MATR3: variants seen among roughly 807,000 people sequenced by gnomAD.
MATR3 encodes the protein matrin 3.
MATR3 carries 4 observed loss-of-function variants against 85.5 expected under a neutral mutation model. The observed-to-expected ratio is 0.05, with a 90% confidence interval of 0.02 to 0.11. The LOEUF (loss-of-function observed/expected upper bound fraction) is 0.11, where lower values mean the gene tolerates loss of function less well. Ranked by LOEUF, MATR3 falls within the 10% of genes least tolerant of loss-of-function variation. The pLI, the probability that MATR3 is intolerant of heterozygous loss-of-function variation, is 1.00. For missense variants in MATR3, 685 were observed against 1,016.1 expected, an observed-to-expected ratio of 0.67 and a Z score of 4.43; for synonymous variants, 336 against 343.1, an observed-to-expected ratio of 0.98 and a Z score of 0.23.
At chr5:139,319,081 T>G (rs1755406545) in intron 8 of MATR3, 48 bp downstream of exon 8, 1 of 1,559,934 alleles carries the variant, frequency 6.4e-7, no homozygotes, top group Non-Finnish European at 8.8e-7. Flanking sequence ...CAAATGATTT[T>G]AATAGTTATT....
chr5:139,329,235 T>G, intron 14 of MATR3, 110 bp from the exon 15 acceptor site: 1 of 779,364 alleles, frequency 1.3e-6, no homozygotes, highest in Admixed American at 2.1e-5. Flanking sequence ...ATTGACAAAA[T>G]TATAGTTTAA....
chr5:139,327,179 C>T (rs1035690962), intron 14 of MATR3, among the ~76,000 whole-genome samples: 19 of 152,076 alleles, frequency 1.2e-4, no homozygotes, highest in Non-Finnish European at 1.5e-5. Context: ...CTTGGTTTTT[C>T]ACACTGCTTT....
At chr5:139,275,795 G>A (rs985782607) in intron 1 of MATR3, among the ~76,000 whole-genome samples, 1 of 152,176 alleles carries the variant, frequency 6.6e-6, no homozygotes, top group Non-Finnish European at 1.5e-5. Context: ...GGCAGAGAAA[G>A]ACCCTGTAAT....
At chr5:139,321,088 G>T (rs1416917983) in intron 9 of MATR3, among the ~76,000 whole-genome samples, 1 of 151,494 alleles carries the variant, frequency 6.6e-6, no homozygotes, top group Non-Finnish European at 1.5e-5. Flanking sequence ...GTATATAGAT[G>T]GCTTAGTATT....
chr5:139,316,078 G>T lies in MATR3; in HGVS notation c.1019G>T (p.Gly340Val). The T allele has an allele frequency of 1.9e-6, 3 of 1,603,148 alleles. No homozygotes were observed. Among genetic ancestry groups the T allele is most frequent in the Non-Finnish European group, 2.6e-6 (3 of 1,170,782 alleles). The change falls in exon 5 of 15, where the codon GGT becomes GTT. Residue 340 changes from glycine (G) to valine (V), a missense_variant and splice_region_variant. Around this residue, in one of 9 missense-constraint regions of MATR3, gnomAD observed 223 missense variants for 334.4 expected, o/e 0.67. Coordinates refer to ENST00000394805, the MANE Select transcript of MATR3 (RefSeq NM_018834.6). ...NPDNDTGHTM[G>V]DPFMLQQSTN... ...ATTTTATGTCTTCACTTTACTAGGG[G>T]TGATCCATTCATGTTGCAGCAGTCT...
chr5:139,280,758 T>C (rs1225185379), intron 3 of MATR3: 4 of 152,220 alleles, frequency 2.6e-5, no homozygotes, highest in East Asian at 1.9e-4. Context: ...GTTCTAAGCA[T>C]ACAGGTTGTC....
intron 2 of MATR3, chr5:139,313,441 G>A (rs1231546385): frequency 6.6e-6 from 1 of 151,070 alleles, no homozygotes; most frequent in East Asian, 1.9e-4. Flanking sequence ...TCTTGTCCCA[G>A]TGAATTTAAA....
At position 139,307,075 on chromosome 5, in the gene MATR3, C is replaced by G. The variant is rs1309125861; in HGVS notation, c.-177-164C>G. The stretch of plus-strand genomic sequence containing the variant: ...CTTTTTAAATATCTATATGCAGGCT[C>G]TGCATACATCAGGAATCTGTTTAAG... On this transcript the variant is annotated intron_variant, in intron 1 of 14. Transcript: ENST00000394805. The surrounding 1 kb of genome is among the most constrained non-coding windows in gnomAD (Gnocchi z 4.4). 3.9e-5 allele frequency among the ~76,000 whole-genome samples: 6 copies of G among 151,908 alleles called. No homozygotes were observed. The highest frequency in any genetic ancestry group is 1.5e-4 in the African/African-American group (6 of 41,348).
chr5:139,322,556 T>C (rs986423445), intron 11 of MATR3, 42 bp from the exon 12 acceptor site: 1 of 1,584,156 alleles, frequency 6.3e-7, no homozygotes, highest in African/African-American at 1.3e-5. Context: ...ACTTTACTTT[T>C]TCAGACAACA....
At chr5:139,320,962 T>A (rs193261964) in intron 9 of MATR3, among the ~76,000 whole-genome samples, 2 of 147,904 alleles carry the variant, frequency 1.4e-5, no homozygotes, top group Non-Finnish European at 3.0e-5. Context: ...GGTTTCACCA[T>A]CCACAGGATG....
chr5:139,330,020 G>A lies in MATR3; in HGVS notation c.*625G>A, dbSNP rs1386048289. ...TTTCCCTGAGTTCCTGCTAGATTTC[G>A]TATTCTAGTAGTCAATGTATTTTCA... On this transcript the variant is annotated 3_prime_UTR_variant, in exon 15 of 15. Coordinates refer to ENST00000394805, the MANE Select transcript of MATR3 (RefSeq NM_018834.6). The A allele has an allele frequency of 2.4e-5, 11 of 453,652 alleles. No homozygotes were observed. The highest frequency in any genetic ancestry group is 3.5e-5 in the Non-Finnish European group (8 of 226,320). The allele number at this position is 453,652 out of a possible 1,614,324, so 28.1% of individuals were successfully genotyped here. A position where few individuals can be genotyped will look rare whatever the true frequency, so the allele number is the denominator to read the frequency against.
At chr5:139,326,060 T>C (rs1755838669) in intron 13 of MATR3, 103 bp from the exon 14 acceptor site, 6 of 1,131,530 alleles carry the variant, frequency 5.3e-6, no homozygotes, top group Non-Finnish European at 7.8e-6. Context: ...ATTGGACTTC[T>C]CAAAAACATG....
At chr5:139,277,687 G>C (rs1256909435) in intron 2 of MATR3, among the ~76,000 whole-genome samples, 1 of 151,492 alleles carries the variant, frequency 6.6e-6, no homozygotes, top group East Asian at 1.9e-4. Context: ...CCAGATAAGG[G>C]TCCTTAGGAG....
chr5:139,278,804 G>T (rs1328079229), intron 2 of MATR3: 1 of 514,040 alleles, frequency 1.9e-6, no homozygotes, highest in African/African-American at 1.9e-5. Flanking sequence ...AGCTATCCAG[G>T]CTCATGTGGT....
chr5:139,298,341 T>A (rs1466755176), intron 1 of MATR3, among the ~76,000 whole-genome samples: 2 of 152,114 alleles, frequency 1.3e-5, no homozygotes, highest in African/African-American at 4.8e-5. Flanking sequence ...GGGGCTGAGG[T>A]GGGCAGATCA....
At chr5:139,291,341 A>G (rs1297031815), upstream of MATR3, among the ~76,000 whole-genome samples, 2 of 152,232 alleles carry the variant, frequency 1.3e-5, no homozygotes, top group East Asian at 1.9e-4. Flanking sequence ...ATGTCTGCAT[A>G]AAGTGTAAGC....
At chr5:139,308,762 T>C (rs1157731564) in intron 2 of MATR3, among the ~76,000 whole-genome samples, 1 of 152,206 alleles carries the variant, frequency 6.6e-6, no homozygotes, top group Non-Finnish European at 1.5e-5. Flanking sequence ...AACAATTCTC[T>C]TTTTTTCCTT....
intron 1 of MATR3, among the ~76,000 whole-genome samples, chr5:139,298,619 A>G (rs747521238): frequency 3.9e-5 from 6 of 152,216 alleles, no homozygotes; most frequent in Non-Finnish European, 8.8e-5. Context: ...TGTGTGTAGA[A>G]AAATCTAATG....
chr5:139,330,760 G>A lies in MATR3; in HGVS notation c.*1365G>A, dbSNP rs1041521439. ...TTCTGCAGCTTTTCAAAATAATTAC[G>A]TAGAGACTCTTGGTATATTGGATTA... On this transcript the variant is annotated 3_prime_UTR_variant, in exon 15 of 15. Coordinates refer to ENST00000394805, the MANE Select transcript of MATR3 (RefSeq NM_018834.6). 7.0e-5 allele frequency: 32 copies of A among 453,944 alleles called. 1 individual carries two copies. Among genetic ancestry groups the A allele is most frequent in the South Asian group, 3.1e-4 (20 of 64,478 alleles). The allele number at this position is 453,944 out of a possible 1,614,324, so 28.1% of individuals were successfully genotyped here. A position where few individuals can be genotyped will look rare whatever the true frequency, so the allele number is the denominator to read the frequency against.
Sources: gnomAD v4.1 joint callset for allele counts (sites outside exome capture counted in the v4.1 genomes callset) on GRCh38, gnomAD v4.1.1 for gene constraint, gnomAD v4.1.1 regional missense constraint, Gnocchi (gnomAD v3.1) non-coding constraint, MANE v1.5 for transcripts, NCBI Gene and HGNC (gene_info 2026-07-23, HGNC 2026-07-21) for gene names.